Variants in LRRTM3 observed in about 807,000 individuals in gnomAD.
LRRTM3 encodes the protein leucine rich repeat transmembrane neuronal 3, also known as leucine-rich repeat transmembrane neuronal protein 3.
A neutral mutation model predicts 44.7 loss-of-function variants in LRRTM3; 24 were observed. The ratio of observed to expected loss-of-function variants is 0.54; its 90% CI spans 0.39 to 0.76. The LOEUF (loss-of-function observed/expected upper bound fraction) is 0.76, where lower values mean the gene tolerates loss of function less well. Ranked by LOEUF, LRRTM3 falls within the 30% of genes least tolerant of loss-of-function variation. The probability of loss-of-function intolerance (pLI) is 0.00; values close to 1 mark genes in which losing one functional copy is unlikely to be tolerated. For synonymous variants in LRRTM3, 277 were observed against 278.7 expected (o/e 0.99, Z 0.06); for missense variants, 587 against 702.2 (o/e 0.84, Z 1.85).
chr10:66,974,447 G>C (rs1249920050), intron 2 of LRRTM3, among the ~76,000 whole-genome samples: 1 of 152,152 alleles, frequency 6.6e-6, no homozygotes, highest in Non-Finnish European at 1.5e-5. Flanking sequence ...TGACTATTGT[G>C]AATTAAGCTG....
chr10:67,086,082 T>C (rs1043064053), intron 2 of LRRTM3, among the ~76,000 whole-genome samples: 1 of 151,938 alleles, frequency 6.6e-6, no homozygotes, highest in Non-Finnish European at 1.5e-5. Flanking sequence ...TCAATAATGA[T>C]GGATGGATAT....
intron 2 of LRRTM3, among the ~76,000 whole-genome samples, chr10:67,079,686 A>G (rs1490720214): frequency 6.6e-6 from 1 of 152,018 alleles, no homozygotes; most frequent in East Asian, 1.9e-4. Context: ...CATCTCTACT[A>G]AAAATGCAAA....
At chr10:67,032,646 G>T (rs1482135511) in intron 2 of LRRTM3, among the ~76,000 whole-genome samples, 2 of 152,118 alleles carry the variant, frequency 1.3e-5, no homozygotes, top group Admixed American at 6.5e-5. Flanking sequence ...GAAATTCAAA[G>T]GTAGTTAACA....
chr10:66,986,815 C>T (rs1456987407), intron 2 of LRRTM3, among the ~76,000 whole-genome samples: 1 of 152,122 alleles, frequency 6.6e-6, no homozygotes, highest in African/African-American at 2.4e-5. Flanking sequence ...ATTTCTCCAT[C>T]AATTAATCTA....
At chr10:67,060,666 G>GTC (rs141445121) in intron 2 of LRRTM3, among the ~76,000 whole-genome samples, 2,830 of 150,482 alleles carry the variant, frequency 0.019, 85 homozygotes, top group African/African-American at 0.063. Flanking sequence ...ATGGGTTCCT[G>GTC]TCTCTCTCTC....
chr10:67,062,242 C>T (rs1369717970), intron 2 of LRRTM3, among the ~76,000 whole-genome samples: 1 of 152,120 alleles, frequency 6.6e-6, no homozygotes, highest in African/African-American at 2.4e-5. Flanking sequence ...AAACCTTACT[C>T]AGTGTGATCA....
In LRRTM3 at chr10:66,961,153, G is replaced by A. The variant is rs538185092; in HGVS notation, c.1536+32701G>A. ...CTGCCATCATTTCAAAAAAAGTTAC[G>A]AACATAAACATTATCTTTAAAGCTA... On this transcript the variant is annotated intron_variant, in intron 2 of 2. Coordinates refer to ENST00000361320, the MANE Select transcript of LRRTM3 (RefSeq NM_178011.5). Among the ~76,000 whole-genome samples the A allele has an allele frequency of 4.6e-5, 7 of 152,166 alleles. 1 individual carries two copies. The highest frequency in any genetic ancestry group is 7.2e-5 in the African/African-American group (3 of 41,530).
intron 2 of LRRTM3, among the ~76,000 whole-genome samples, chr10:67,063,463 G>A (rs750555112): frequency 6.6e-6 from 1 of 152,168 alleles, no homozygotes; most frequent in Non-Finnish European, 1.5e-5. Context: ...AGTTCCAACA[G>A]TGAGGCAGGG....
chr10:67,078,879 A>G (rs1856886092), intron 2 of LRRTM3, among the ~76,000 whole-genome samples: 1 of 152,202 alleles, frequency 6.6e-6, no homozygotes, highest in Non-Finnish European at 1.5e-5. Flanking sequence ...GACACTTGTA[A>G]TTTTGACAAT....
intron 2 of LRRTM3, among the ~76,000 whole-genome samples, chr10:67,076,620 G>A (rs1368901425): frequency 1.3e-5 from 2 of 152,172 alleles, no homozygotes; most frequent in African/African-American, 2.4e-5. Flanking sequence ...AGGTTTCACT[G>A]TCATATTACA....
chr10:67,085,252 G>A (rs757849093), intron 2 of LRRTM3, among the ~76,000 whole-genome samples: 2 of 151,804 alleles, frequency 1.3e-5, no homozygotes, highest in Non-Finnish European at 2.9e-5. Context: ...ACATATATAT[G>A]TGGCTGATCA....
intron 2 of LRRTM3, among the ~76,000 whole-genome samples, chr10:66,982,979 G>A (rs989343312): frequency 6.6e-6 from 1 of 152,126 alleles, no homozygotes; most frequent in Non-Finnish European, 1.5e-5. Flanking sequence ...AGGCGCCCTC[G>A]GCTCAGGCAG....
intron 2 of LRRTM3, among the ~76,000 whole-genome samples, chr10:67,069,456 A>G (rs1856300199): frequency 2.0e-5 from 3 of 152,246 alleles, no homozygotes; most frequent in East Asian, 1.9e-4. Context: ...TATATATATT[A>G]TATGTATACA....
chr10:66,942,571 TCTC>T (rs1848056409), intron 2 of LRRTM3, among the ~76,000 whole-genome samples: 1 of 151,840 alleles, frequency 6.6e-6, no homozygotes, highest in Non-Finnish European at 1.5e-5. Flanking sequence ...TCTCTCTCTC[TCTC>T]TCTGTGTGTG....
chr10:66,973,904 G>C (rs1343173837), intron 2 of LRRTM3, among the ~76,000 whole-genome samples: 2 of 152,144 alleles, frequency 1.3e-5, no homozygotes, highest in African/African-American at 2.4e-5. Flanking sequence ...TTACAGGCGT[G>C]AACCACCGCG....
chr10:67,067,865 C>T (rs1228869704), intron 2 of LRRTM3, among the ~76,000 whole-genome samples: 2 of 152,088 alleles, frequency 1.3e-5, no homozygotes, highest in African/African-American at 4.8e-5. Context: ...ATATGACAAA[C>T]GCTTGGCTGA....
intron 2 of LRRTM3, among the ~76,000 whole-genome samples, chr10:67,085,408 G>T (rs973435637): frequency 6.6e-6 from 1 of 150,922 alleles, no homozygotes; most frequent in Non-Finnish European, 1.5e-5. Context: ...AAAATGAGAG[G>T]GACTAAAAGT....
At chr10:67,006,927 G>A (rs1852028097) in intron 2 of LRRTM3, among the ~76,000 whole-genome samples, 1 of 151,966 alleles carries the variant, frequency 6.6e-6, no homozygotes, top group Non-Finnish European at 1.5e-5. Context: ...CCAAGTAGCT[G>A]GGATTACAGT....
At chr10:66,928,706 C>G (rs970111948) in intron 2 of LRRTM3, among the ~76,000 whole-genome samples, 2 of 152,164 alleles carry the variant, frequency 1.3e-5, no homozygotes, top group Admixed American at 1.3e-4. Context: ...TAATATAATA[C>G]CTATTGTATA....
Sources: allele counts gnomAD v4.1 joint callset (sites outside exome capture counted in the v4.1 genomes callset), GRCh38; gene constraint gnomAD v4.1.1; transcripts MANE v1.5; gene names NCBI Gene and HGNC (gene_info 2026-07-23, HGNC 2026-07-21).